Variants in GRM8 observed in about 807,000 individuals in gnomAD.
The protein encoded by GRM8 is glutamate metabotropic receptor 8.
GRM8 carries 47 observed loss-of-function variants against 87.2 expected under a neutral mutation model. That is an observed-to-expected ratio of 0.54 (90% CI 0.43 to 0.69). The LOEUF is 0.69. GRM8 is among the 30% of genes least tolerant of loss of function. The probability of loss-of-function intolerance (pLI) is 0.00; values close to 1 mark genes in which losing one functional copy is unlikely to be tolerated. For synonymous variants in GRM8, 396 were observed against 404.5 expected, an observed-to-expected ratio of 0.98 and a Z score of 0.25; for missense variants, 1,019 against 1,139.2, an observed-to-expected ratio of 0.89 and a Z score of 1.52.
intron 9 of GRM8, among the ~76,000 whole-genome samples, chr7:126,463,954 A>G (rs1007765780): frequency 3.3e-5 from 5 of 151,696 alleles, no homozygotes; most frequent in African/African-American, 1.2e-4. Context: ...TTTTGCCATT[A>G]TGCTGTGTTT....
intron 7 of GRM8, among the ~76,000 whole-genome samples, chr7:126,680,478 A>G: frequency 6.6e-6 from 1 of 152,216 alleles, no homozygotes; most frequent in Non-Finnish European, 1.5e-5. Flanking sequence ...TTTGCAATAC[A>G]TATTACAGTG....
chr7:127,052,067 T>G (rs1256821310), intron 3 of GRM8, among the ~76,000 whole-genome samples: 2 of 152,212 alleles, frequency 1.3e-5, no homozygotes, highest in Non-Finnish European at 2.9e-5. Flanking sequence ...TGTATTTTTC[T>G]GTATAGTTAA....
intron 3 of GRM8, among the ~76,000 whole-genome samples, chr7:126,943,628 A>C (rs1425228556): frequency 6.6e-6 from 1 of 152,210 alleles, no homozygotes; most frequent in Non-Finnish European, 1.5e-5. Flanking sequence ...ACAGGAAGGA[A>C]TAGCTCTTGG....
At chr7:126,863,521 G>T (rs549312242) in intron 6 of GRM8, among the ~76,000 whole-genome samples, 1 of 152,260 alleles carries the variant, frequency 6.6e-6, no homozygotes, top group African/African-American at 2.4e-5. Context: ...AAGTAACACA[G>T]CTGGCAAGCG....
Position 126,456,519 on chromosome 7 carries a change from T to TAAA in GRM8, c.2431-10150_2431-10148dup, listed in dbSNP as rs513. Among the ~76,000 whole-genome samples, 382 of 69,606 alleles carry TAAA rather than the reference T, an allele frequency of 5.5e-3. 25 individuals carry two copies. Among genetic ancestry groups the TAAA allele is most frequent in the African/African-American group, 0.014 (164 of 12,026 alleles). 45.7% of individuals were successfully genotyped at this position (69,606 alleles called of 152,430 possible). ...TCCTAAGTGTAAGAAAGCAGCAAGC[T>TAAA]AAAAAAAAAAAAAAAAAAAAAAAAA... On this transcript the variant is annotated intron_variant, in intron 9 of 10. Coordinates refer to ENST00000339582, the MANE Select transcript of GRM8 (RefSeq NM_000845.3).
chr7:126,991,782 T>C (rs545556729), intron 3 of GRM8, among the ~76,000 whole-genome samples: 16 of 152,316 alleles, frequency 1.1e-4, no homozygotes, highest in African/African-American at 3.6e-4. Flanking sequence ...ATGGTCTATA[T>C]TTTTATATGC....
At chr7:126,562,199 G>A (rs1453555921) in intron 8 of GRM8, among the ~76,000 whole-genome samples, 1 of 152,160 alleles carries the variant, frequency 6.6e-6, no homozygotes, top group African/African-American at 2.4e-5. Flanking sequence ...CTAAAGTGGA[G>A]AGAGATAAAG....
At chr7:126,722,991 T>C (rs1441104378) in intron 7 of GRM8, among the ~76,000 whole-genome samples, 1 of 144,176 alleles carries the variant, frequency 6.9e-6, no homozygotes, top group Non-Finnish European at 1.5e-5. Context: ...ATATTATATA[T>C]AATTTATATA....
At chr7:126,972,996 C>T (rs1383079027) in intron 3 of GRM8, among the ~76,000 whole-genome samples, 1 of 152,154 alleles carries the variant, frequency 6.6e-6, no homozygotes, top group Non-Finnish European at 1.5e-5. Context: ...CTTAAGATTA[C>T]AATATGAGCC....
intron 3 of GRM8, among the ~76,000 whole-genome samples, chr7:127,068,792 T>C (rs559194850): frequency 1.2e-4 from 19 of 152,274 alleles, no homozygotes; most frequent in Non-Finnish European, 2.2e-4. Flanking sequence ...AAAATATCCA[T>C]ATTTACTGAG....
intron 7 of GRM8, among the ~76,000 whole-genome samples, chr7:126,673,061 A>C (rs1806557892): frequency 6.6e-6 from 1 of 152,176 alleles, no homozygotes; most frequent in African/African-American, 2.4e-5. Context: ...CGGCCTGCCC[A>C]CTGCGGTGGA....
At chr7:126,648,038 C>T (rs1803363376) in intron 7 of GRM8, among the ~76,000 whole-genome samples, 1 of 152,172 alleles carries the variant, frequency 6.6e-6, no homozygotes, top group Admixed American at 6.5e-5. Context: ...TATGTGCCAT[C>T]TCACATTCAA....
At chr7:126,509,486 T>A (rs1210268797) in intron 9 of GRM8, among the ~76,000 whole-genome samples, 1 of 152,074 alleles carries the variant, frequency 6.6e-6, no homozygotes, top group Non-Finnish European at 1.5e-5. Context: ...TTGAGCACAT[T>A]ATGAAGACAA....
chr7:126,969,336 AG>A (rs1171975002), intron 3 of GRM8, among the ~76,000 whole-genome samples: 1 of 152,196 alleles, frequency 6.6e-6, no homozygotes, highest in Non-Finnish European at 1.5e-5. Flanking sequence ...CCACAGTAAA[AG>A]TTCTTTCAAA....
chr7:126,870,734 G>A lies in GRM8; in HGVS notation c.1156+31808C>T, dbSNP rs1799026416. Among the ~76,000 whole-genome samples the A allele has an allele frequency of 7.2e-5, 11 of 152,270 alleles. No individual in the cohort carries two copies. In the South Asian group the frequency reaches 2.1e-3, roughly 29 times the overall value. ...CAAAGACTCCTGAAAACAGATCACT[G>A]TAACAGATTTTACAGTAAAGAAGTT... On this transcript the variant is annotated intron_variant, in intron 6 of 10. Transcript: ENST00000339582.
chr7:126,918,848 C>T (rs1160345145), intron 3 of GRM8, among the ~76,000 whole-genome samples: 7 of 152,050 alleles, frequency 4.6e-5, no homozygotes, highest in African/African-American at 7.2e-5. Context: ...TAGAAAAGAA[C>T]GTTAAGCTTT....
intron 7 of GRM8, among the ~76,000 whole-genome samples, chr7:126,704,684 C>G (rs997351361): frequency 5.3e-5 from 8 of 151,992 alleles, no homozygotes; most frequent in Non-Finnish European, 8.8e-5. Flanking sequence ...CTTCTATGGT[C>G]GAGCTGTAGG....
At chr7:126,611,123 T>C (rs4728045) in intron 7 of GRM8, among the ~76,000 whole-genome samples, 113,318 of 152,078 alleles carry the variant, frequency 0.75, 42,796 homozygotes, top group East Asian at 0.94. Context: ...ATATATAAAT[T>C]GATAGATGTA....
chr7:127,013,645 C>A (rs12673312), intron 3 of GRM8, among the ~76,000 whole-genome samples: 2 of 151,866 alleles, frequency 1.3e-5, no homozygotes, highest in African/African-American at 4.8e-5. Context: ...GCTAACAGAT[C>A]AGTAACCTGC....
Sources: allele counts gnomAD v4.1 joint callset (sites outside exome capture counted in the v4.1 genomes callset), GRCh38; gene constraint gnomAD v4.1.1; transcripts MANE v1.5; gene names NCBI Gene and HGNC (gene_info 2026-07-23, HGNC 2026-07-21).